The following GATB variants were observed in gnomAD, a reference collection of about 807,000 sequenced individuals.
The protein encoded by GATB is glutamyl-tRNA(Gln) amidotransferase subunit B, mitochondrial.
In GATB, 39 loss-of-function variants were observed where a neutral mutation model predicts 62.3. The ratio of observed to expected loss-of-function variants is 0.63; its 90% CI spans 0.48 to 0.82. GATB has a LOEUF of 0.82. Among genes scored for constraint, GATB ranks in the 40% least tolerant of loss-of-function variants. The pLI is 0.00. For synonymous variants in GATB, 276 were observed against 258.9 expected, an observed-to-expected ratio of 1.07 and a Z score of -0.63; for missense variants, 670 against 684.0, an observed-to-expected ratio of 0.98 and a Z score of 0.23.
chr4:151,745,960 G>A (rs149707181), intron 2 of GATB, among the ~76,000 whole-genome samples: 404 of 152,328 alleles, frequency 2.7e-3, no homozygotes, highest in Middle Eastern at 6.8e-3. Flanking sequence ...ACAGTTGCTA[G>A]GGAGTTCTAT....
At chr4:151,678,271 A>G (rs1235656515) in intron 11 of GATB, among the ~76,000 whole-genome samples, 1 of 152,180 alleles carries the variant, frequency 6.6e-6, no homozygotes, top group Non-Finnish European at 1.5e-5. Context: ...GCGTCCCTAC[A>G]TCTGAACCCA....
intron 2 of GATB, among the ~76,000 whole-genome samples, chr4:151,744,820 T>C (rs929727252): frequency 1.3e-4 from 20 of 152,202 alleles, no homozygotes; most frequent in Non-Finnish European, 2.6e-4. Flanking sequence ...AAAGTCATCA[T>C]TGTCATGAGT....
In GATB at chr4:151,701,382, C is replaced by G. The variant is rs1238672457; in HGVS notation, c.1144G>C (p.Glu382Gln). 1 of 1,598,506 alleles carries G rather than the reference C, an allele frequency of 6.3e-7. No homozygotes were observed. Among genetic ancestry groups the G allele is most frequent in the African/African-American group, 1.3e-5 (1 of 74,238 alleles). ...ATCCCATACTGTTGGACAAGCTTCT[C>G]TCGGGTCACACTGGGGAGCTCCGGG... is the stretch of plus-strand genomic sequence containing the variant. Reference protein sequence around the residue: ...TLPELPSVTREKLVQQYGMLL... With the variant: ...TLPELPSVTRQKLVQQYGMLL... The change falls in exon 9 of 13, where the codon GAG becomes CAG. Residue 382 changes from glutamate to glutamine, a missense_variant. By Grantham distance (29) the Glu-to-Gln change is conservative. Transcript: ENST00000263985.
rs775206998 is a variant in GATB, at chr4:151,729,515, C to T, written c.328-9977G>A. Among the ~76,000 whole-genome samples the T allele has an allele frequency of 2.8e-4, 43 of 152,042 alleles. 1 individual carries two copies. The highest frequency in any genetic ancestry group is 5.9e-4 in the Non-Finnish European group (40 of 68,014). On this transcript the variant is annotated intron_variant, in intron 2 of 12. Coordinates refer to ENST00000263985, the MANE Select transcript of GATB (RefSeq NM_004564.3). ...AGCTTTCCTGAGTGTGATAATCATA[C>T]TGTGATCATAGAAGTGAACATTTTT...
chr4:151,716,759 C>A (rs1045488266), intron 4 of GATB, 117 bp downstream of exon 4: 4 of 874,804 alleles, frequency 4.6e-6, no homozygotes, highest in Admixed American at 4.7e-5. Flanking sequence ...CTCCATCTAT[C>A]AGGCTCCTGT....
chr4:151,735,979 T>C (rs1322419233), intron 2 of GATB, among the ~76,000 whole-genome samples: 1 of 151,710 alleles, frequency 6.6e-6, no homozygotes, highest in Non-Finnish European at 1.5e-5. Context: ...AAGAACTTAT[T>C]CATGTAACCA....
At chr4:151,697,264 T>C (rs531866453) in intron 9 of GATB, among the ~76,000 whole-genome samples, 2 of 152,198 alleles carry the variant, frequency 1.3e-5, no homozygotes, top group South Asian at 2.1e-4. Context: ...GATAAAGAAG[T>C]TGTGGTATAT....
At chr4:151,746,109 G>T (rs901362675) in intron 2 of GATB, among the ~76,000 whole-genome samples, 3 of 152,214 alleles carry the variant, frequency 2.0e-5, no homozygotes, top group African/African-American at 7.2e-5. Context: ...GCCAGCTACG[G>T]CAGAGGCAAC....
chr4:151,749,171 A>G (rs183044298), intron 2 of GATB, among the ~76,000 whole-genome samples: 1,918 of 152,312 alleles, frequency 0.013, 39 homozygotes, highest in African/African-American at 0.044. Context: ...TATATACCCA[A>G]AGGATTATAA....
chr4:151,725,024 G>C (rs532472045), intron 2 of GATB, among the ~76,000 whole-genome samples: 45 of 152,330 alleles, frequency 3.0e-4, no homozygotes, highest in African/African-American at 1.0e-3. Context: ...TTACACATGA[G>C]AGAAGAGCTG....
chr4:151,679,717 C>G, intron 11 of GATB, 96 bp downstream of exon 11: 1 of 993,384 alleles, frequency 1.0e-6, no homozygotes, highest in Non-Finnish European at 1.6e-6. Flanking sequence ...TTAATACTTC[C>G]ATGATGAAAG....
chr4:151,744,973 C>T (rs1272811827), intron 2 of GATB, among the ~76,000 whole-genome samples: 1 of 152,200 alleles, frequency 6.6e-6, no homozygotes, highest in African/African-American at 2.4e-5. Context: ...ACAAGGGTCA[C>T]TATACAAAAC....
intron 1 of GATB, among the ~76,000 whole-genome samples, chr4:151,760,365 C>A (rs1739926376): frequency 6.6e-6 from 1 of 152,180 alleles, no homozygotes; most frequent in African/African-American, 2.4e-5. Context: ...TGTTTTCTGA[C>A]TAATGACAAT....
intron 1 of GATB, among the ~76,000 whole-genome samples, chr4:151,759,586 C>A (rs570124611): frequency 6.6e-6 from 1 of 152,122 alleles, no homozygotes; most frequent in African/African-American, 2.4e-5. Context: ...ATTCCTGAGA[C>A]CTAATTTCAG....
chr4:151,725,101 C>A (rs981824854), intron 2 of GATB, among the ~76,000 whole-genome samples: 1 of 152,234 alleles, frequency 6.6e-6, no homozygotes, highest in Non-Finnish European at 1.5e-5. Flanking sequence ...ACTCCTATCA[C>A]AGGGTATTGG....
At chr4:151,693,832 T>C (rs183189587) in intron 9 of GATB, among the ~76,000 whole-genome samples, 2 of 152,190 alleles carry the variant, frequency 1.3e-5, no homozygotes, top group South Asian at 2.1e-4. Flanking sequence ...TTAGGGGATA[T>C]TCAAACTAAT....
chr4:151,678,574 A>G (rs1213463540), intron 11 of GATB, among the ~76,000 whole-genome samples: 2 of 151,964 alleles, frequency 1.3e-5, no homozygotes, highest in Non-Finnish European at 2.9e-5. Context: ...AGCCTTTCCT[A>G]AACGCGGTGA....
chr4:151,731,111 C>T (rs551484843), intron 2 of GATB, among the ~76,000 whole-genome samples: 1 of 149,014 alleles, frequency 6.7e-6, no homozygotes, highest in African/African-American at 2.5e-5. Context: ...CCTTCCCCCT[C>T]CCCCTCTCCC....
intron 5 of GATB, among the ~76,000 whole-genome samples, chr4:151,713,973 T>C (rs2126976129): frequency 6.6e-6 from 1 of 152,322 alleles, no homozygotes. Flanking sequence ...GTAAATGAGA[T>C]GTCAAATTAA....
Sources: allele counts gnomAD v4.1 joint callset (sites outside exome capture counted in the v4.1 genomes callset), GRCh38; gene constraint gnomAD v4.1.1; transcripts MANE v1.5; gene names NCBI Gene and HGNC (gene_info 2026-07-23, HGNC 2026-07-21).